Variants in VPS13B observed in about 807,000 individuals in gnomAD.
VPS13B encodes the protein vacuolar protein sorting 13 homolog B, also known as intermembrane lipid transfer protein VPS13B.
VPS13B carries 285 observed loss-of-function variants against 426.4 expected under a neutral mutation model. The ratio of observed to expected loss-of-function variants is 0.67; its 90% CI spans 0.61 to 0.74. The LOEUF (loss-of-function observed/expected upper bound fraction) is 0.74, where lower values mean the gene tolerates loss of function less well. Ranked by LOEUF, VPS13B falls within the 30% of genes least tolerant of loss-of-function variation. The probability of loss-of-function intolerance (pLI) is 0.00; values close to 1 mark genes in which losing one functional copy is unlikely to be tolerated. For synonymous variants in VPS13B, 1,676 were observed against 1,676.4 expected (o/e 1.00, Z 0.01); for missense variants, 4,537 against 4,782.6 (o/e 0.95, Z 1.51).
intron 2 of VPS13B, among the ~76,000 whole-genome samples, chr8:99,029,762 C>T (rs949542430): frequency 7.8e-6 from 1 of 127,768 alleles, no homozygotes; most frequent in Non-Finnish European, 1.5e-5. Flanking sequence ...AGAGGGAGAC[C>T]GTGGAAGGAG....
At chr8:99,420,412 GGT>G (rs1040636364) in intron 21 of VPS13B, among the ~76,000 whole-genome samples, 4 of 152,058 alleles carry the variant, frequency 2.6e-5, no homozygotes, top group African/African-American at 9.7e-5. Flanking sequence ...AATTTTATCA[GGT>G]TCCAGTTCGA....
chr8:99,603,778 G>C (rs1827436012), intron 33 of VPS13B, among the ~76,000 whole-genome samples: 1 of 152,144 alleles, frequency 6.6e-6, no homozygotes. Context: ...GATGAGAGAG[G>C]ACAATGGTAG....
chr8:99,226,853 C>T (rs946735560), intron 17 of VPS13B, among the ~76,000 whole-genome samples: 4 of 152,088 alleles, frequency 2.6e-5, no homozygotes, highest in South Asian at 2.1e-4. Context: ...TTGGACTATC[C>T]ATAACCTTGA....
chr8:99,232,167 C>A (rs1020470285), intron 17 of VPS13B, among the ~76,000 whole-genome samples: 1 of 150,508 alleles, frequency 6.6e-6, no homozygotes, highest in African/African-American at 2.5e-5. Context: ...TGAGGGAATT[C>A]AAAAGAATGG....
chr8:99,531,651 A>G (rs1377143797), intron 30 of VPS13B, among the ~76,000 whole-genome samples: 1 of 152,090 alleles, frequency 6.6e-6, no homozygotes, highest in Non-Finnish European at 1.5e-5. Context: ...CTATTTTCAC[A>G]TGTATTTTTT....
intron 19 of VPS13B, among the ~76,000 whole-genome samples, chr8:99,277,842 G>GT (rs1482124952): frequency 2.6e-5 from 4 of 152,134 alleles, no homozygotes; most frequent in Admixed American, 2.6e-4. Flanking sequence ...CCAGCATCTA[G>GT]ACCAATACCT....
At chr8:99,195,623 T>A (rs931975296) in intron 17 of VPS13B, among the ~76,000 whole-genome samples, 3 of 152,222 alleles carry the variant, frequency 2.0e-5, no homozygotes, top group African/African-American at 7.2e-5. Context: ...CCTGTGCTTT[T>A]AGGGTTATAG....
At chr8:99,044,065 TTTTTTTTTTTCTTTCTTTC>T (rs1843090707) in intron 3 of VPS13B, among the ~76,000 whole-genome samples, 1 of 141,224 alleles carries the variant, frequency 7.1e-6, no homozygotes, top group Admixed American at 7.2e-5. Context: ...ACATCATTTC[TTTTTTTTTTTCTTTCTTTC>T]TTTTTTTTTT....
intron 3 of VPS13B, chr8:99,091,939 T>C (rs554999914): frequency 1.3e-5 from 2 of 152,370 alleles, no homozygotes; most frequent in African/African-American, 4.8e-5. Context: ...ACTGTCCACT[T>C]TCTCCTTCTT....
At chr8:99,722,816 T>C (rs1031876695) in intron 39 of VPS13B, among the ~76,000 whole-genome samples, 1 of 152,208 alleles carries the variant, frequency 6.6e-6, no homozygotes, top group African/African-American at 2.4e-5. Flanking sequence ...CGAATTCTAC[T>C]GTCTTATCAG....
At chr8:99,862,080 G>C (rs1816866300) in intron 58 of VPS13B, 134 bp downstream of exon 58, 1 of 1,080,100 alleles carries the variant, frequency 9.3e-7, no homozygotes, top group Non-Finnish European at 1.3e-6. Flanking sequence ...CACTTGCTCT[G>C]AGTTCTACAG....
At chr8:99,318,095 G>A (rs1024928056) in intron 19 of VPS13B, among the ~76,000 whole-genome samples, 1 of 152,114 alleles carries the variant, frequency 6.6e-6, no homozygotes, top group African/African-American at 2.4e-5. Context: ...TTGTGTTCTT[G>A]CCCTAATTTA....
intron 35 of VPS13B, among the ~76,000 whole-genome samples, chr8:99,686,152 G>A (rs771349050): frequency 3.9e-5 from 6 of 152,190 alleles, no homozygotes; most frequent in Non-Finnish European, 7.3e-5. Flanking sequence ...AGATCCAGAA[G>A]AATTCTTTGG....
intron 15 of VPS13B, among the ~76,000 whole-genome samples, chr8:99,160,650 CAAAAAA>C (rs780385149): frequency 2.9e-5 from 2 of 68,492 alleles, no homozygotes; most frequent in Non-Finnish European, 3.0e-5. Context: ...GACCCTGTCT[CAAAAAA>C]AAAAAAAAAA....
Position 99,038,413 on chromosome 8 carries a change from G to A in VPS13B, c.148-10G>A, listed in dbSNP as rs779842255. ...CTTACTAATTTTTATGTAATGTTTT[G>A]TGTTTTAAGGAACTGAAATTACCAT... On this transcript the variant is annotated splice_polypyrimidine_tract_variant and intron_variant, in intron 2 of 61. Transcript: ENST00000357162. The A allele has an allele frequency of 2.5e-6, 4 of 1,592,518 alleles. No individual in the cohort carries two copies. The highest frequency in any genetic ancestry group is 1.7e-5 in the Admixed American group (1 of 59,342).
intron 5 of VPS13B, among the ~76,000 whole-genome samples, chr8:99,105,085 A>G (rs1271441780): frequency 6.6e-6 from 1 of 152,252 alleles, no homozygotes; most frequent in African/African-American, 2.4e-5. Flanking sequence ...ACTAGGAAGT[A>G]GCAGAACTGG....
intron 3 of VPS13B, among the ~76,000 whole-genome samples, chr8:99,058,099 T>G (rs541457474): frequency 2.6e-5 from 4 of 152,234 alleles, no homozygotes; most frequent in African/African-American, 7.2e-5. Context: ...TCTTTTTATA[T>G]ACAAAATCAA....
chr8:99,803,734 C>T (rs1813250686), intron 43 of VPS13B, among the ~76,000 whole-genome samples: 1 of 152,156 alleles, frequency 6.6e-6, no homozygotes, highest in African/African-American at 2.4e-5. Flanking sequence ...TAATAAGCAA[C>T]ATATTTCATT....
Position 99,652,456 on chromosome 8 carries a change from T to C in VPS13B, c.5909-8898T>C, listed in dbSNP as rs187716292. Among the ~76,000 whole-genome samples the C allele has an allele frequency of 6.2e-3, 949 of 152,266 alleles. 8 individuals carry two copies. Among genetic ancestry groups the C allele is most frequent in the African/African-American group, 0.021 (890 of 41,574 alleles). Reference sequence around the variant, plus strand: ...ATTGTTAATATCTTTAAGTGTTTTTTTAAAGTAGTGGTTGTAAATGGTAAA... The same window carrying C: ...ATTGTTAATATCTTTAAGTGTTTTTCTAAAGTAGTGGTTGTAAATGGTAAA... On this transcript the variant is annotated intron_variant, in intron 34 of 61. Coordinates refer to ENST00000357162, the MANE Select transcript of VPS13B (RefSeq NM_152564.5).
Sources: allele counts gnomAD v4.1 joint callset (sites outside exome capture counted in the v4.1 genomes callset), GRCh38; gene constraint gnomAD v4.1.1; transcripts MANE v1.5; gene names NCBI Gene and HGNC (gene_info 2026-07-23, HGNC 2026-07-21).